The following ROCK1 variants were observed in gnomAD, a reference collection of about 807,000 sequenced individuals.
ROCK1 encodes the protein rho-associated protein kinase 1.
ROCK1 carries 36 observed loss-of-function variants against 196.8 expected under a neutral mutation model. The ratio of observed to expected loss-of-function variants is 0.18; its 90% CI spans 0.14 to 0.24. The LOEUF is 0.24. Ranked by LOEUF, ROCK1 falls within the 10% of genes least tolerant of loss-of-function variation. The pLI is 1.00. For synonymous variants in ROCK1, 443 were observed against 515.9 expected (o/e 0.86, Z 1.91); for missense variants, 920 against 1,562.0 (o/e 0.59, Z 6.93).
chr18:21,050,139 T>C (rs2036192378), intron 2 of ROCK1, among the ~76,000 whole-genome samples: 1 of 152,100 alleles, frequency 6.6e-6, no homozygotes, highest in Non-Finnish European at 1.5e-5. Context: ...ACAGAATGTT[T>C]TAAAAACAAA....
intron 1 of ROCK1, among the ~76,000 whole-genome samples, chr18:21,110,189 A>G (rs967447617): frequency 1.8e-4 from 28 of 152,314 alleles, no homozygotes; most frequent in African/African-American, 6.3e-4. Context: ...AGTTACAATA[A>G]CTGTATGGTA....
chr18:21,079,169 G>A (rs1379533356), intron 1 of ROCK1, among the ~76,000 whole-genome samples: 3 of 152,146 alleles, frequency 2.0e-5, no homozygotes, highest in East Asian at 1.9e-4. Flanking sequence ...CCATTCATCT[G>A]CTGAGTTATT....
At chr18:21,104,323 G>A (rs2036684370) in intron 1 of ROCK1, among the ~76,000 whole-genome samples, 1 of 152,146 alleles carries the variant, frequency 6.6e-6, no homozygotes, top group South Asian at 2.1e-4. Context: ...TCTGGGCAGG[G>A]TGCGGCGCTC....
intron 1 of ROCK1, among the ~76,000 whole-genome samples, chr18:21,099,969 G>C (rs2036644503): frequency 6.6e-6 from 1 of 152,062 alleles, no homozygotes; most frequent in Non-Finnish European, 1.5e-5. Flanking sequence ...CTGGAGGGAG[G>C]AGGTTACAGT....
In ROCK1 at chr18:21,070,461, G is replaced by C. The variant is rs376816201; in HGVS notation, c.175+71C>G. On this transcript the variant is annotated intron_variant, in intron 2 of 32. Coordinates refer to ENST00000399799, the MANE Select transcript of ROCK1 (RefSeq NM_005406.3). ...AAAAAGTAAATAGAAGAAAAAATAA[G>C]GGCTTGAATGACATAAGTGAAAATG... 2.7e-4 allele frequency: 202 copies of C among 743,186 alleles called. 1 individual carries two copies. The South Asian group carries it at 3.8e-3, about 14-fold the overall frequency. The allele number at this position is 743,186 out of a possible 1,614,324, so 46.0% of individuals were successfully genotyped here.
rs1598504900 is a variant in ROCK1 at position 20,953,854 on chromosome 18, G to T, written c.3854-69C>A. 6 of 656,572 alleles carry T rather than the reference G, an allele frequency of 9.1e-6. 1 individual carries two copies. The East Asian group carries it at 2.0e-4, about 21-fold the overall frequency. The allele number at this position is 656,572 out of a possible 1,614,324, so 40.7% of individuals were successfully genotyped here. ...TTTTTTAAAATCCAACCTATCAAAT[G>T]CATAGTTTTTCAAGTTCTTAAGGTT... On this transcript the variant is annotated intron_variant, in intron 31 of 32. Transcript: ENST00000399799.
chr18:21,038,997 G>T (rs1405318445), intron 9 of ROCK1, among the ~76,000 whole-genome samples: 1 of 152,028 alleles, frequency 6.6e-6, no homozygotes, highest in Non-Finnish European at 1.5e-5. Flanking sequence ...AAGCCTGATG[G>T]AATCAAGTAT....
At chr18:21,054,505 G>A (rs1443884298) in intron 2 of ROCK1, among the ~76,000 whole-genome samples, 2 of 151,884 alleles carry the variant, frequency 1.3e-5, no homozygotes, top group Admixed American at 1.3e-4. Flanking sequence ...ACATGCCTTA[G>A]ACAACCGACC....
chr18:21,040,567 C>CTT (rs1173995315), intron 8 of ROCK1, among the ~76,000 whole-genome samples: 2 of 152,112 alleles, frequency 1.3e-5, no homozygotes, highest in Non-Finnish European at 2.9e-5. Context: ...TTTGCATAAG[C>CTT]TAAAAGATAA....
intron 10 of ROCK1, among the ~76,000 whole-genome samples, chr18:21,026,408 C>A (rs2035956404): frequency 7.2e-6 from 1 of 138,480 alleles, no homozygotes; most frequent in South Asian, 2.3e-4. Flanking sequence ...CGTGCCATTG[C>A]ACTCCAGCCT....
intron 3 of ROCK1, 31 bp from the exon 4 acceptor site, chr18:21,049,260 C>T: frequency 6.8e-7 from 1 of 1,474,002 alleles, no homozygotes; most frequent in Non-Finnish European, 9.1e-7. Context: ...AATAATGAAC[C>T]TTTTGTTAAC....
At chr18:21,100,150 GAAAA>G (rs557069271) in intron 1 of ROCK1, among the ~76,000 whole-genome samples, 2 of 127,770 alleles carry the variant, frequency 1.6e-5, no homozygotes, top group Non-Finnish European at 3.5e-5. Flanking sequence ...TGGAAAAAAA[GAAAA>G]AAAAAAAAAA....
intron 8 of ROCK1, among the ~76,000 whole-genome samples, chr18:21,041,607 C>T (rs1306276415): frequency 6.6e-6 from 1 of 151,998 alleles, no homozygotes; most frequent in Non-Finnish European, 1.5e-5. Flanking sequence ...AGATAGTATA[C>T]TTTTAAAAAT....
chr18:21,040,475 G>C (rs2036095748), intron 8 of ROCK1, among the ~76,000 whole-genome samples: 1 of 152,160 alleles, frequency 6.6e-6, no homozygotes, highest in South Asian at 2.1e-4. Context: ...TGTGATTTTA[G>C]CTGAATTGGA....
intron 25 of ROCK1, chr18:20,968,483 T>C (rs2035395653): frequency 7.5e-6 from 2 of 265,416 alleles, no homozygotes; most frequent in Admixed American, 1.1e-4. Flanking sequence ...ATTTTTGTAT[T>C]TTTAGTAGAG....
chr18:20,948,533 G>A lies in ROCK1; in HGVS notation c.*2851C>T, dbSNP rs1415018703. On this transcript the variant is annotated 3_prime_UTR_variant, in exon 33 of 33. Transcript: ENST00000399799. ...TTTAAGCTGAAACCCCAAATGACAGGTCATGAGTGAACCTGTGAATAATGA... is the reference window on the plus strand; with the variant it reads ...TTTAAGCTGAAACCCCAAATGACAGATCATGAGTGAACCTGTGAATAATGA... 6.7e-6 allele frequency: 1 copy of A among 149,254 alleles called. No homozygotes were observed. Among genetic ancestry groups the A allele is most frequent in the Admixed American group, 6.6e-5 (1 of 15,080 alleles). The allele number at this position is 149,254 out of a possible 1,614,324, so 9.2% of individuals were successfully genotyped here.
At chr18:21,039,930 G>A (rs141505175) in intron 8 of ROCK1, among the ~76,000 whole-genome samples, 78 of 152,150 alleles carry the variant, frequency 5.1e-4, no homozygotes, top group African/African-American at 1.6e-3. Flanking sequence ...ACTGGAACAC[G>A]CCTGTAGTCC....
At chr18:21,087,927 T>G (rs1272583160) in intron 1 of ROCK1, among the ~76,000 whole-genome samples, 1 of 152,136 alleles carries the variant, frequency 6.6e-6, no homozygotes, top group African/African-American at 2.4e-5. Flanking sequence ...AATTCAAACC[T>G]CAGCAAATTA....
intron 1 of ROCK1, among the ~76,000 whole-genome samples, chr18:21,086,401 C>T (rs1459750191): frequency 5.3e-5 from 8 of 152,150 alleles, no homozygotes; most frequent in East Asian, 3.9e-4. Context: ...CGTGAGCCAC[C>T]GCGCCCAGCC....
Sources: gnomAD v4.1 joint callset for allele counts (sites outside exome capture counted in the v4.1 genomes callset) on GRCh38, gnomAD v4.1.1 for gene constraint, MANE v1.5 for transcripts, NCBI Gene and HGNC (gene_info 2026-07-23, HGNC 2026-07-21) for gene names.